The following TEX101 variants were observed in gnomAD, a reference collection of about 807,000 sequenced individuals.
The protein encoded by TEX101 is testis-expressed protein 101.
Under a neutral mutation model 18.1 loss-of-function variants are expected in TEX101, and 10 were observed. That is an observed-to-expected ratio of 0.55 (90% CI 0.34 to 0.94). TEX101 has a LOEUF of 0.94. Ranked by LOEUF, TEX101 falls within the 40% of genes least tolerant of loss-of-function variation. The pLI, the probability that TEX101 is intolerant of heterozygous loss-of-function variation, is 0.02. For synonymous variants in TEX101, 94 were observed against 114.8 expected (o/e 0.82, Z 1.16); for missense variants, 259 against 298.9 (o/e 0.87, Z 0.98).
chr19:43,418,103 G>A, intron 5 of TEX101, 65 bp from the exon 6 acceptor site: 1 of 1,610,174 alleles, frequency 6.2e-7, no homozygotes, highest in East Asian at 2.2e-5. Flanking sequence ...GGATGAGGGG[G>A]GACTGGATTC....
At position 43,416,202 on chromosome 19, in the gene TEX101, A is replaced by T; in HGVS notation, c.168A>T (p.Lys56Asn). The stretch of plus-strand genomic sequence containing the variant: ...CAGAGGAAGTGGAGACTTGTGACAA[A>T]GGGGCACTTTGCCAGGAAACCATAC... ...WTTEEVETCD[K>N]GALCQETILI... Residue 56 changes from lysine to asparagine, a missense_variant, in exon 3 of 6, where the codon AAA becomes AAT. Transcript: ENST00000598265. 6.2e-7 allele frequency: 1 copy of T among 1,612,716 alleles called. No individual in the cohort carries two copies. Among genetic ancestry groups the T allele is most frequent in the South Asian group, 1.1e-5 (1 of 90,962 alleles).
At chr19:43,390,561 G>A in the TEX101 span, among the ~76,000 whole-genome samples, 11 of 126,132 alleles carry the variant, frequency 8.7e-5, no homozygotes, top group Admixed American at 2.0e-4. Flanking sequence ...TTCACCTCCC[G>A]GGTTCAACCG....
chr19:43,402,077 G>GA (rs1383028871), intron 1 of TEX101, among the ~76,000 whole-genome samples: 2 of 152,184 alleles, frequency 1.3e-5, no homozygotes, highest in African/African-American at 4.8e-5. Context: ...CTTAACAAAA[G>GA]AAAAAATCAC....
chr19:43,399,672 A>G (rs901106734), upstream of TEX101, among the ~76,000 whole-genome samples: 4 of 152,120 alleles, frequency 2.6e-5, no homozygotes, highest in Non-Finnish European at 5.9e-5. Context: ...ACATTTTAAA[A>G]GTATTATTAT....
chr19:43,417,943 C>A lies in TEX101; in HGVS notation c.457C>A (p.Pro153Thr). Residue 153 changes from proline (P) to threonine (T), a missense_variant, in exon 5 of 6, where the codon CCT becomes ACT. Transcript: ENST00000598265. ...CVALGTCFSAPSLPCPNGTTR... is the reference protein window; with the variant it reads ...CVALGTCFSATSLPCPNGTTR... Reference sequence around the variant, plus strand: ...GGCTTTGGGGACCTGTTTCAGTGCTCCTTCTCTTCCCTGTCCCAATGGTAC... The same window carrying A: ...GGCTTTGGGGACCTGTTTCAGTGCTACTTCTCTTCCCTGTCCCAATGGTAC... 1 of 1,614,182 alleles carries A rather than the reference C, an allele frequency of 6.2e-7. No individual in the cohort carries two copies. Among genetic ancestry groups the A allele is most frequent in the South Asian group, 1.1e-5 (1 of 91,082 alleles).
upstream of TEX101, among the ~76,000 whole-genome samples, chr19:43,414,386 C>A (rs1023627769): frequency 6.6e-6 from 1 of 152,078 alleles, no homozygotes; most frequent in East Asian, 1.9e-4. Flanking sequence ...GAGGCTGGTG[C>A]GATAGCGCAA....
At chr19:43,417,812 G>A (rs1970495948) in intron 4 of TEX101, 66 bp from the exon 5 acceptor site, 32 of 1,596,454 alleles carry the variant, frequency 2.0e-5, no homozygotes, top group Non-Finnish European at 2.7e-5. Flanking sequence ...GGGAAGAGAA[G>A]GCAGCAAGGA....
chr19:43,403,440 TGGGG>T (rs1443352458), intron 2 of TEX101, among the ~76,000 whole-genome samples: 2 of 151,966 alleles, frequency 1.3e-5, no homozygotes, highest in Admixed American at 6.6e-5. Flanking sequence ...GTCTTGGAGT[TGGGG>T]GCTGGGGGAG....
At chr19:43,412,443 G>A (rs753170628), upstream of TEX101, among the ~76,000 whole-genome samples, 6 of 152,136 alleles carry the variant, frequency 3.9e-5, no homozygotes, top group African/African-American at 9.7e-5. Flanking sequence ...AGATTTGGGC[G>A]GGGGACAAAT....
At chr19:43,403,975 C>A (rs1052386038) in intron 2 of TEX101, among the ~76,000 whole-genome samples, 3 of 149,162 alleles carry the variant, frequency 2.0e-5, no homozygotes, top group African/African-American at 7.4e-5. Flanking sequence ...GGAGGTGGAG[C>A]GTGCAGTGAG....
upstream of TEX101, among the ~76,000 whole-genome samples, chr19:43,409,961 C>G (rs570991633): frequency 6.6e-6 from 1 of 152,020 alleles, no homozygotes; most frequent in South Asian, 2.1e-4. Context: ...TGTTTGAGCC[C>G]AGGAGTTTGA....
chr19:43,391,120 A>G, the TEX101 span, among the ~76,000 whole-genome samples: 2 of 152,182 alleles, frequency 1.3e-5, no homozygotes, highest in African/African-American at 4.8e-5. Context: ...GTACATATAG[A>G]CCACGTTTTG....
chr19:43,389,433 G>C, the TEX101 span, among the ~76,000 whole-genome samples: 29,071 of 152,120 alleles, frequency 0.19, 3,416 homozygotes, highest in East Asian at 0.58. Context: ...GAAGCTTCTG[G>C]ACTCCAGGGC....
At chr19:43,397,027 G>A (rs1464994117), upstream of TEX101, among the ~76,000 whole-genome samples, 2 of 146,786 alleles carry the variant, frequency 1.4e-5, no homozygotes. Context: ...TAGTAGAGAC[G>A]GGGTTTCACC....
upstream of TEX101, among the ~76,000 whole-genome samples, chr19:43,400,732 TA>T (rs1970311495): frequency 6.6e-6 from 1 of 152,226 alleles, no homozygotes; most frequent in Non-Finnish European, 1.5e-5. Flanking sequence ...TCTTGTGTTT[TA>T]AATTTTATTT....
the TEX101 span, among the ~76,000 whole-genome samples, chr19:43,392,150 T>G: frequency 6.9e-6 from 1 of 144,538 alleles, no homozygotes; most frequent in Non-Finnish European, 1.5e-5. Context: ...AATACAGGGG[T>G]GGAGAGGGGA....
upstream of TEX101, among the ~76,000 whole-genome samples, chr19:43,400,216 G>A (rs191822420): frequency 6.6e-6 from 1 of 152,256 alleles, no homozygotes; most frequent in Non-Finnish European, 1.5e-5. Flanking sequence ...CTTCATATCT[G>A]AAATCAGGCA....
chr19:43,389,307 C>T, the TEX101 span, among the ~76,000 whole-genome samples: 1 of 152,262 alleles, frequency 6.6e-6, no homozygotes, highest in African/African-American at 2.4e-5. Flanking sequence ...AGGCTTTCCC[C>T]ATCAGGTGCT....
chr19:43,395,093 T>C, the TEX101 span, among the ~76,000 whole-genome samples: 18 of 152,178 alleles, frequency 1.2e-4, 1 homozygote, highest in Non-Finnish European at 2.4e-4. Flanking sequence ...GGGTTTGTTC[T>C]TCAAGGGAAG....
Sources: allele counts gnomAD v4.1 joint callset (sites outside exome capture counted in the v4.1 genomes callset), GRCh38; gene constraint gnomAD v4.1.1; transcripts MANE v1.5; gene names NCBI Gene and HGNC (gene_info 2026-07-23, HGNC 2026-07-21).